ADAMTS10: variants seen among roughly 807,000 people sequenced by gnomAD.
ADAMTS10 encodes A disintegrin and metalloproteinase with thrombospondin motifs 10.
A neutral mutation model predicts 135.9 loss-of-function variants in ADAMTS10; 48 were observed. The observed-to-expected ratio is 0.35, with a 90% CI of 0.28 to 0.45. The LOEUF (loss-of-function observed/expected upper bound fraction) is 0.45, where lower values mean the gene tolerates loss of function less well. Among genes scored for constraint, ADAMTS10 ranks in the 20% least tolerant of loss-of-function variants. The probability of loss-of-function intolerance (pLI) is 1.00; values close to 1 mark genes in which losing one functional copy is unlikely to be tolerated. For synonymous variants in ADAMTS10, 621 were observed against 647.5 expected (o/e 0.96, Z 0.62); for missense variants, 1,131 against 1,565.2 (o/e 0.72, Z 4.68).
rs1555736829 is a variant in ADAMTS10, at chr19:8,585,566, C to T, written c.2755G>A (p.Glu919Lys). The T allele has an allele frequency of 1.2e-6, 2 of 1,603,458 alleles. No homozygotes were observed. The highest frequency in any genetic ancestry group is 1.1e-5 in the South Asian group (1 of 89,950). The change falls in exon 23 of 26, where the codon GAG becomes AAG. Residue 919 changes from glutamate (E) to lysine (K), a missense_variant. By Grantham distance (56) the Glu-to-Lys change is moderately conservative. This residue lies in a region of ADAMTS10 where 745 missense variants were observed against 1,056.3 expected (regional missense o/e 0.71). Transcript: ENST00000597188. ...GCGCTGTCGTCCAGCGCCTTCTCCT[C>T]CGCGGCAGAGACGCGGCGCTGGCAC... ...VVCQRRVSAA[E>K]EKALDDSACP...
chr19:8,590,648 C>T (rs1401062893), intron 15 of ADAMTS10, among the ~76,000 whole-genome samples: 9 of 152,042 alleles, frequency 5.9e-5, no homozygotes, highest in African/African-American at 1.9e-4. Context: ...TTAGTAGAGA[C>T]GGGGTTTCAC....
At position 8,605,436 on chromosome 19, in the gene ADAMTS10, G is replaced by A. The variant is rs372460501; in HGVS notation, c.89-78C>T. 6.7e-7 allele frequency: 1 copy of A among 1,495,594 alleles called. No homozygotes were observed. The allele number at this position is 1,495,594 out of a possible 1,614,324, so 92.6% of individuals were successfully genotyped here. A position where few individuals can be genotyped will look rare whatever the true frequency, so the allele number is the denominator to read the frequency against. Reference sequence around the variant, plus strand: ...GTGTCCTGGCTGTTAGGCTGCTGGAGCAAGTGATGCTGGCCTCACTGACCC... The same window carrying A: ...GTGTCCTGGCTGTTAGGCTGCTGGAACAAGTGATGCTGGCCTCACTGACCC... On this transcript the variant is annotated intron_variant, in intron 3 of 25. Transcript: ENST00000597188. The surrounding 1 kb of genome is among the most constrained non-coding windows in gnomAD (Gnocchi z 7.7).
At position 8,596,285 on chromosome 19, in the gene ADAMTS10, C is replaced by G. The variant is rs781946704; in HGVS notation, c.1190+22G>C. ...CCGCCCAGCTCCTCCCCTCCTCCCC[C>G]TCTTGTGTGCCCTGGCCTCACGTGT... On this transcript the variant is annotated intron_variant, in intron 10 of 25. Coordinates refer to ENST00000597188, the MANE Select transcript of ADAMTS10 (RefSeq NM_030957.4). The surrounding 1 kb of genome is among the most constrained non-coding windows in gnomAD (Gnocchi z 7.2). 5 of 1,612,916 alleles carry G rather than the reference C, an allele frequency of 3.1e-6. No homozygotes were observed. Among genetic ancestry groups the G allele is most frequent in the Non-Finnish European group, 4.2e-6 (5 of 1,180,006 alleles).
intron 15 of ADAMTS10, among the ~76,000 whole-genome samples, chr19:8,590,214 G>A (rs1220128180): frequency 4.6e-5 from 7 of 152,106 alleles, no homozygotes; most frequent in African/African-American, 1.4e-4. Flanking sequence ...GTCTGAGGGT[G>A]AGCTGGGCAG....
Position 8,597,019 on chromosome 19 carries a change from C to A in ADAMTS10, c.1008G>T (p.Val336=). 6.2e-7 allele frequency: 1 copy of A among 1,614,066 alleles called. No individual in the cohort carries two copies. The part of the protein sequence containing the change: ...GHGNAIPENG[V]ANHDTAVLIT... ...TGAGCACTGCTGTGTCATGGTTAGC[C>A]ACACCGTTCTCTGGAATGGCATTGC... Residue 336 remains valine (V), a synonymous_variant, in exon 8 of 26, where the codon GTG becomes GTT. Coordinates refer to ENST00000597188, the MANE Select transcript of ADAMTS10 (RefSeq NM_030957.4).
chr19:8,605,820 G>T lies in ADAMTS10; in HGVS notation c.-99-11C>A. ...AGCATCACCGGGCTCCTGGGAGGGG[G>T]GAGCCAGGTAAGGGGGCGCCTGGTC... On this transcript the variant is annotated splice_polypyrimidine_tract_variant and intron_variant, in intron 2 of 25. Transcript: ENST00000597188. The surrounding 1 kb of genome is among the most constrained non-coding windows in gnomAD (Gnocchi z 7.7). The T allele has an allele frequency of 4.0e-6, 6 of 1,508,726 alleles. No individual in the cohort carries two copies. The highest frequency in any genetic ancestry group is 5.3e-6 in the Non-Finnish European group (6 of 1,131,204). The allele number at this position is 1,508,726 out of a possible 1,614,324, so 93.5% of individuals were successfully genotyped here. A position where few individuals can be genotyped will look rare whatever the true frequency, so the allele number is the denominator to read the frequency against.
Position 8,596,380 on chromosome 19 carries a change from C to T in ADAMTS10, c.1117G>A (p.Glu373Lys), listed in dbSNP as rs782661612. Residue 373 changes from glutamate to lysine, a missense_variant, in exon 10 of 26, where the codon GAG (glutamate) becomes AAG (lysine). By Grantham distance (56) the Glu-to-Lys change is moderately conservative. This residue lies in a region of ADAMTS10 where 745 missense variants were observed against 1,056.3 expected (regional missense o/e 0.71). Coordinates refer to ENST00000597188, the MANE Select transcript of ADAMTS10 (RefSeq NM_030957.4). This position sits in a 1 kb window ranked among gnomAD's most constrained non-coding sequence, Gnocchi z 7.2. ...LAPVGGMCER[E>K]RSCSVNEDIG... ...TCCTCATTGACGCTGCAGCTTCTCTCGCGCTCACACATTCCGCCCACCGGG... is the reference window on the plus strand; with the variant it reads ...TCCTCATTGACGCTGCAGCTTCTCTTGCGCTCACACATTCCGCCCACCGGG... The T allele has an allele frequency of 3.1e-6, 5 of 1,613,162 alleles. No individual in the cohort carries two copies. The highest frequency in any genetic ancestry group is 1.7e-5 in the Admixed American group (1 of 59,908).
intron 6 of ADAMTS10, among the ~76,000 whole-genome samples, chr19:8,599,233 A>G (rs1337092279): frequency 6.6e-6 from 1 of 152,142 alleles, no homozygotes; most frequent in African/African-American, 2.4e-5. Flanking sequence ...GTAGGAATTT[A>G]TAAGTAGGTG....
At chr19:8,588,708 T>C (rs2042473646) in intron 18 of ADAMTS10, among the ~76,000 whole-genome samples, 1 of 151,984 alleles carries the variant, frequency 6.6e-6, no homozygotes, top group Non-Finnish European at 1.5e-5. Context: ...TCACAGAGGA[T>C]GGAAAGTGAT....
chr19:8,589,351 G>T lies in ADAMTS10; in HGVS notation c.2049C>A (p.Asp683Glu). Residue 683 changes from aspartate to glutamate, a missense_variant, in exon 18 of 26, where the codon GAC becomes GAA. Coordinates refer to ENST00000597188, the MANE Select transcript of ADAMTS10 (RefSeq NM_030957.4). Reference protein sequence around the residue: ...VSGECKHVGCDRVLGSDLRED... With the variant: ...VSGECKHVGCERVLGSDLRED... ...CCCGCAGGTCGGAGCCCAGGACTCG[G>T]TCGCAGCCCACGTGCTGCGTGGAGA... is the stretch of plus-strand genomic sequence containing the variant. The T allele has an allele frequency of 6.2e-7, 1 of 1,612,230 alleles. No individual in the cohort carries two copies. The highest frequency in any genetic ancestry group is 8.5e-7 in the Non-Finnish European group (1 of 1,179,910).
At chr19:8,595,504 C>A (rs947433423) in intron 12 of ADAMTS10, 17 of 523,128 alleles carry the variant, frequency 3.2e-5, no homozygotes, top group Non-Finnish European at 5.2e-5. Context: ...AAGCTGGCCC[C>A]CCAGCCCAGC....
At chr19:8,597,360 C>T in intron 6 of ADAMTS10, 43 bp from the exon 7 acceptor site, 1 of 1,571,634 alleles carries the variant, frequency 6.4e-7, no homozygotes, top group Non-Finnish European at 8.7e-7. Context: ...TAAGAGGAGC[C>T]CAGGGTAGAA....
At chr19:8,600,892 T>A in intron 6 of ADAMTS10, 36 bp downstream of exon 6, 1 of 1,612,924 alleles carries the variant, frequency 6.2e-7, no homozygotes, top group South Asian at 1.1e-5. Context: ...CTCCAAGTCC[T>A]CAGGGCTGCG....
intron 13 of ADAMTS10, 105 bp from the exon 14 acceptor site, chr19:8,592,208 C>CGGGATGGCGCTGGAAG: frequency 6.4e-7 from 1 of 1,571,880 alleles, no homozygotes; most frequent in Non-Finnish European, 8.6e-7. Flanking sequence ...TCAGCCTCTC[C>CGGGATGGCGCTGGAAG]GGGATGGGCA....
chr19:8,587,534 A>C (rs1416106850), intron 18 of ADAMTS10, among the ~76,000 whole-genome samples: 2 of 148,278 alleles, frequency 1.3e-5, no homozygotes. Flanking sequence ...TGGTGCGATC[A>C]TAGGTTACTG....
chr19:8,590,121 G>T (rs1339505231), intron 15 of ADAMTS10, 130 bp from the exon 16 acceptor site: 1 of 701,436 alleles, frequency 1.4e-6, no homozygotes. Flanking sequence ...AGGCTGTGGT[G>T]GTCTGCGTGA....
chr19:8,598,806 C>T (rs2042633154), intron 6 of ADAMTS10, among the ~76,000 whole-genome samples: 1 of 151,880 alleles, frequency 6.6e-6, no homozygotes, highest in Non-Finnish European at 1.5e-5. Context: ...AACTCCCGAC[C>T]TCAGGTGATC....
In ADAMTS10 at chr19:8,584,985, A is replaced by T. The variant is rs1555736455; in HGVS notation, c.3112T>A (p.Ser1038Thr). 1 of 1,544,598 alleles carries T rather than the reference A, an allele frequency of 6.5e-7. No individual in the cohort carries two copies. Among genetic ancestry groups the T allele is most frequent in the Admixed American group, 2.0e-5 (1 of 50,910 alleles). The change falls in exon 25 of 26, where the codon TCG becomes ACG. Residue 1038 changes from serine to threonine, a missense_variant. Physicochemically the swap from Ser to Thr is moderately conservative, Grantham distance 58. This residue lies in a region of ADAMTS10 where 745 missense variants were observed against 1,056.3 expected (regional missense o/e 0.71). Transcript: ENST00000597188. Reference protein sequence around the residue: ...VRCTSHTGQASHECTEALRPP... With the variant: ...VRCTSHTGQATHECTEALRPP... ...CGCAGGGCCTCCGTGCACTCGTGCG[A>T]CGCCTGGCCCGTGTGGCTGGTGCAG... is the stretch of plus-strand genomic sequence containing the variant.
chr19:8,597,905 G>A (rs1555740635), intron 6 of ADAMTS10, among the ~76,000 whole-genome samples: 1 of 151,522 alleles, frequency 6.6e-6, no homozygotes, highest in Non-Finnish European at 1.5e-5. Context: ...CTGGGTTCAA[G>A]CGATTCTCCT....
Sources: gnomAD v4.1 joint callset for allele counts (sites outside exome capture counted in the v4.1 genomes callset) on GRCh38, gnomAD v4.1.1 for gene constraint, gnomAD v4.1.1 regional missense constraint, Gnocchi (gnomAD v3.1) non-coding constraint, MANE v1.5 for transcripts, NCBI Gene and HGNC (gene_info 2026-07-23, HGNC 2026-07-21) for gene names.